The following CYSTM1 variants were observed in gnomAD, a reference collection of about 807,000 sequenced individuals.
The protein encoded by CYSTM1 is cysteine rich transmembrane module containing 1.
Under a neutral mutation model 13.1 loss-of-function variants are expected in CYSTM1, and 4 were observed. That is an observed-to-expected ratio of 0.31 (90% CI 0.15 to 0.70). The LOEUF (loss-of-function observed/expected upper bound fraction) is 0.70. Among genes scored for constraint, CYSTM1 ranks in the 30% least tolerant of loss-of-function variants. CYSTM1 has a pLI of 0.72. For missense variants in CYSTM1, 96 were observed against 121.6 expected (o/e 0.79, Z 0.99); for synonymous variants, 36 against 42.7 (o/e 0.84, Z 0.62).
intron 2 of CYSTM1, among the ~76,000 whole-genome samples, chr5:140,232,461 CAG>C (rs1466288781): frequency 1.3e-5 from 2 of 152,010 alleles, no homozygotes; most frequent in East Asian, 1.9e-4. Context: ...GCAAAGGAGT[CAG>C]AGAGAGAAAG....
chr5:140,221,873 A>T, intron 2 of CYSTM1, among the ~76,000 whole-genome samples: 1 of 152,248 alleles, frequency 6.6e-6, no homozygotes, highest in South Asian at 2.1e-4. Context: ...TCATTTTGAT[A>T]TTTGATAGGC....
At chr5:140,208,912 G>A (rs1055367216) in intron 2 of CYSTM1, among the ~76,000 whole-genome samples, 1 of 151,760 alleles carries the variant, frequency 6.6e-6, no homozygotes, top group South Asian at 2.1e-4. Context: ...GGTGGCAGGC[G>A]CCTGTAGTCC....
At chr5:140,176,030 A>G (rs781613862) in intron 1 of CYSTM1, among the ~76,000 whole-genome samples, 6 of 152,160 alleles carry the variant, frequency 3.9e-5, no homozygotes, top group Non-Finnish European at 8.8e-5. Context: ...CGATTTGGGG[A>G]CTGACTGGAC....
At chr5:140,243,165 CA>C (rs529319388) in intron 2 of CYSTM1, 139 bp from the exon 3 acceptor site, 4 of 677,690 alleles carry the variant, frequency 5.9e-6, no homozygotes, top group South Asian at 1.6e-5. Context: ...TCAGCAGCAG[CA>C]ATGGCAGGAA....
chr5:140,215,625 G>A (rs2126665463), intron 2 of CYSTM1, among the ~76,000 whole-genome samples: 1 of 151,932 alleles, frequency 6.6e-6, no homozygotes, highest in East Asian at 1.9e-4. Flanking sequence ...CATTATTAAT[G>A]CATAACTGCT....
At chr5:140,190,163 T>C (rs1212528197) in intron 1 of CYSTM1, among the ~76,000 whole-genome samples, 1 of 152,244 alleles carries the variant, frequency 6.6e-6, no homozygotes, top group Admixed American at 6.5e-5. Context: ...AGTTGAGACA[T>C]GCTGAATACA....
chr5:140,179,123 T>A (rs1178867689), intron 1 of CYSTM1, among the ~76,000 whole-genome samples: 8 of 151,472 alleles, frequency 5.3e-5, no homozygotes, highest in Non-Finnish European at 8.8e-5. Context: ...TAGCTGGGCA[T>A]GTGGTATGTG....
At chr5:140,181,421 C>A (rs1763961297) in intron 1 of CYSTM1, among the ~76,000 whole-genome samples, 1 of 152,146 alleles carries the variant, frequency 6.6e-6, no homozygotes, top group African/African-American at 2.4e-5. Flanking sequence ...CTTTGTTGAA[C>A]TAATTTTTGG....
intron 1 of CYSTM1, among the ~76,000 whole-genome samples, chr5:140,177,831 CTG>C (rs1763909719): frequency 2.0e-5 from 3 of 152,176 alleles, no homozygotes; most frequent in Admixed American, 2.0e-4. Context: ...AGAAAAGTAA[CTG>C]TTTTCCAAAT....
intron 1 of CYSTM1, among the ~76,000 whole-genome samples, chr5:140,177,818 T>C (rs914663923): frequency 6.6e-6 from 1 of 152,178 alleles, no homozygotes; most frequent in Non-Finnish European, 1.5e-5. Context: ...CATTAAAAAA[T>C]TTAGAAAAGT....
chr5:140,238,472 C>T (rs1764710371), intron 2 of CYSTM1, among the ~76,000 whole-genome samples: 1 of 152,214 alleles, frequency 6.6e-6, no homozygotes, highest in Non-Finnish European at 1.5e-5. Flanking sequence ...CGCCCTATCA[C>T]TCTCCCACTC....
chr5:140,228,593 G>A, intron 2 of CYSTM1: 1 of 395,062 alleles, frequency 2.5e-6, no homozygotes, highest in Non-Finnish European at 4.5e-6. Context: ...CTTGGCCCCT[G>A]CCCTGCCCTT....
rs1161281232 is a variant in CYSTM1 at position 140,177,068 on chromosome 5, C to CAAAAAA, written c.-21+1797_-21+1802dup. Among the ~76,000 whole-genome samples, 28 of 87,926 alleles carry CAAAAAA rather than the reference C, an allele frequency of 3.2e-4. 1 individual carries two copies. Among genetic ancestry groups the CAAAAAA allele is most frequent in the African/African-American group, 9.6e-4 (22 of 22,984 alleles). 57.7% of individuals were successfully genotyped at this position (87,926 alleles called of 152,430 possible). A position where few individuals can be genotyped will look rare whatever the true frequency, so the allele number is the denominator to read the frequency against. On this transcript the variant is annotated intron_variant, in intron 1 of 2. Coordinates refer to ENST00000261811, the MANE Select transcript of CYSTM1 (RefSeq NM_032412.4). ...TGGGCGACAGAGCGAGACTCTGTCT[C>CAAAAAA]AAAAAAAAAAAAAAAAAAATCTCTA...
At chr5:140,204,651 C>G (rs974585796) in intron 2 of CYSTM1, among the ~76,000 whole-genome samples, 4 of 152,104 alleles carry the variant, frequency 2.6e-5, no homozygotes, top group Admixed American at 1.3e-4. Flanking sequence ...AACACTAGGA[C>G]CTGAGCAAAT....
At chr5:140,211,401 G>A (rs1327218041) in intron 2 of CYSTM1, among the ~76,000 whole-genome samples, 1 of 152,184 alleles carries the variant, frequency 6.6e-6, no homozygotes, top group Admixed American at 6.5e-5. Context: ...CTGATACTTG[G>A]CTGAGAGCAT....
chr5:140,189,625 T>C (rs1764066197), intron 1 of CYSTM1, among the ~76,000 whole-genome samples: 1 of 152,226 alleles, frequency 6.6e-6, no homozygotes, highest in Admixed American at 6.5e-5. Context: ...ATAATAGTTA[T>C]TTTATTTATT....
intron 2 of CYSTM1, 105 bp from the exon 3 acceptor site, chr5:140,243,198 AAT>A: frequency 1.2e-6 from 1 of 852,300 alleles, no homozygotes; most frequent in Non-Finnish European, 1.9e-6. Flanking sequence ...CAGTCTGCTC[AAT>A]AGTTTTCCCC....
At chr5:140,193,681 G>C (rs1352317306) in intron 1 of CYSTM1, among the ~76,000 whole-genome samples, 1 of 152,226 alleles carries the variant, frequency 6.6e-6, no homozygotes, top group Non-Finnish European at 1.5e-5. Context: ...CCAATCAAGA[G>C]AATGATTAAC....
intron 2 of CYSTM1, among the ~76,000 whole-genome samples, chr5:140,208,045 A>G (rs1376451393): frequency 6.6e-6 from 1 of 152,206 alleles, no homozygotes; most frequent in African/African-American, 2.4e-5. Flanking sequence ...TTCCTCAAAA[A>G]ACTAAAAATA....
Sources: gnomAD v4.1 joint callset for allele counts (sites outside exome capture counted in the v4.1 genomes callset) on GRCh38, gnomAD v4.1.1 for gene constraint, MANE v1.5 for transcripts, NCBI Gene and HGNC (gene_info 2026-07-23, HGNC 2026-07-21) for gene names.